IMMP2L: variants seen among roughly 807,000 people sequenced by gnomAD.
The protein encoded by IMMP2L is mitochondrial inner membrane protease subunit 2.
IMMP2L carries 18 observed loss-of-function variants against 19.3 expected under a neutral mutation model. The observed-to-expected ratio is 0.93, with a 90% CI of 0.64 to 1.38. The LOEUF is 1.38. Among genes scored for constraint, IMMP2L ranks in the 40% most tolerant of loss-of-function variants. IMMP2L has a pLI of 0.00. For missense variants in IMMP2L, 233 were observed against 218.2 expected, an observed-to-expected ratio of 1.07 and a Z score of -0.43; for synonymous variants, 76 against 73.0, an observed-to-expected ratio of 1.04 and a Z score of -0.21.
intron 5 of IMMP2L, among the ~76,000 whole-genome samples, chr7:110,883,458 C>T (rs560558352): frequency 5.9e-5 from 9 of 152,128 alleles, no homozygotes; most frequent in African/African-American, 1.9e-4. Context: ...AGCTCTTTTC[C>T]AAATGACTTG....
At chr7:111,309,212 T>G (rs1823226421) in intron 3 of IMMP2L, among the ~76,000 whole-genome samples, 1 of 152,136 alleles carries the variant, frequency 6.6e-6, no homozygotes, top group Admixed American at 6.5e-5. Context: ...TATTTGCAGT[T>G]TTATTTGAGT....
chr7:111,104,393 A>T (rs907923329), intron 3 of IMMP2L, among the ~76,000 whole-genome samples: 6 of 151,872 alleles, frequency 4.0e-5, no homozygotes, highest in Non-Finnish European at 8.8e-5. Context: ...ACCAAACTCT[A>T]CATTTTGTTC....
chr7:111,322,756 A>G (rs1178625630), intron 3 of IMMP2L, among the ~76,000 whole-genome samples: 1 of 151,904 alleles, frequency 6.6e-6, no homozygotes, highest in Admixed American at 6.6e-5. Context: ...TTCACCTGCA[A>G]ATTAAAAAGC....
intron 3 of IMMP2L, among the ~76,000 whole-genome samples, chr7:111,421,267 C>CTTTTTTTTT (rs1227013257): frequency 6.5e-5 from 8 of 122,916 alleles, no homozygotes; most frequent in African/African-American, 1.3e-4. Flanking sequence ...TTGTTTTTTT[C>CTTTTTTTTT]TTTTTTTTTT....
intron 5 of IMMP2L, among the ~76,000 whole-genome samples, chr7:110,670,559 G>A (rs1257414490): frequency 4.6e-5 from 7 of 151,924 alleles, no homozygotes; most frequent in African/African-American, 7.2e-5. Context: ...ATGCAGTGGC[G>A]CCTGCCTGTA....
chr7:110,668,070 A>G lies in IMMP2L; in HGVS notation c.409-4349T>C, dbSNP rs1036817195. Among the ~76,000 whole-genome samples the G allele has an allele frequency of 3.9e-5, 6 of 152,168 alleles. No homozygotes were observed. The South Asian group carries it at 1.2e-3, about 32-fold the overall frequency. Reference sequence around the variant, plus strand: ...TTTACTCTCAACAATATATCCTGTAAGCTACCTCTATTACTTCATAGAAAT... The same window carrying G: ...TTTACTCTCAACAATATATCCTGTAGGCTACCTCTATTACTTCATAGAAAT... On this transcript the variant is annotated intron_variant, in intron 5 of 5. Coordinates refer to ENST00000405709, the MANE Select transcript of IMMP2L (RefSeq NM_032549.4).
chr7:111,349,530 CCT>C (rs1246942693), intron 3 of IMMP2L, among the ~76,000 whole-genome samples: 3 of 152,100 alleles, frequency 2.0e-5, no homozygotes, highest in Non-Finnish European at 4.4e-5. Context: ...TCAGCTTCTC[CCT>C]CTAAACTTCA....
chr7:111,345,048 T>C (rs1334301807), intron 3 of IMMP2L, among the ~76,000 whole-genome samples: 1 of 152,110 alleles, frequency 6.6e-6, no homozygotes, highest in Non-Finnish European at 1.5e-5. Flanking sequence ...GTAGTAAAGA[T>C]AAACCCTGAG....
intron 5 of IMMP2L, among the ~76,000 whole-genome samples, chr7:110,778,916 T>C (rs1799564662): frequency 6.6e-6 from 1 of 151,976 alleles, no homozygotes; most frequent in South Asian, 2.1e-4. Flanking sequence ...AATCAAGTCA[T>C]CGGGTTAAAA....
In IMMP2L at chr7:111,179,045, A is replaced by G. The variant is rs192654575; in HGVS notation, c.240-215480T>C. Among the ~76,000 whole-genome samples, 16 of 152,170 alleles carry G rather than the reference A, an allele frequency of 1.1e-4. No individual in the cohort carries two copies. In the East Asian group the frequency reaches 3.1e-3, roughly 29 times the overall value. On this transcript the variant is annotated intron_variant, in intron 3 of 5. Coordinates refer to ENST00000405709, the MANE Select transcript of IMMP2L (RefSeq NM_032549.4). ...AGAGCCTTACAAAATGTACTTCTTA[A>G]ATAATAAGACTTGAAAGTCAAAATT...
At chr7:111,140,224 C>T (rs924690601) in intron 3 of IMMP2L, among the ~76,000 whole-genome samples, 2 of 152,062 alleles carry the variant, frequency 1.3e-5, no homozygotes, top group Non-Finnish European at 2.9e-5. Flanking sequence ...CTTCTGTCTA[C>T]TTTAAGTATT....
At chr7:111,243,599 C>G (rs169962) in intron 3 of IMMP2L, among the ~76,000 whole-genome samples, 1 of 133,980 alleles carries the variant, frequency 7.5e-6, no homozygotes, top group Non-Finnish European at 1.6e-5. Context: ...ATGTGCCATG[C>G]TGGTGCGCTG....
In IMMP2L at chr7:110,760,261, T is replaced by C. The variant is rs544081128; in HGVS notation, c.409-96540A>G. On this transcript the variant is annotated intron_variant, in intron 5 of 5. Coordinates refer to ENST00000405709, the MANE Select transcript of IMMP2L (RefSeq NM_032549.4). This position sits in a 1 kb window ranked among gnomAD's most constrained non-coding sequence, Gnocchi z 4.2. ...TTTATCTGCATCTGCCTTAGAGAAG[T>C]TGTTTACATCCAATATTGGACTACC... 5.9e-5 allele frequency among the ~76,000 whole-genome samples: 9 copies of C among 152,274 alleles called. No homozygotes were observed. Among genetic ancestry groups the C allele is most frequent in the African/African-American group, 1.9e-4 (8 of 41,574 alleles).
rs564994965 is a variant in IMMP2L at position 111,558,978 on chromosome 7, CTTG to C, written c.-3+2870_-3+2872del. 6.5e-4 allele frequency among the ~76,000 whole-genome samples: 99 copies of C among 152,132 alleles called. 1 individual carries two copies. Among genetic ancestry groups the C allele is most frequent in the Non-Finnish European group, 1.1e-3 (73 of 67,980 alleles). On this transcript the variant is annotated intron_variant, in intron 1 of 5. Transcript: ENST00000405709. ...GCCACCAAAGATAGAATGATTTTGCCTTGTTAACTTGTAAGAACAATGACACTA... is the reference window on the plus strand; with the variant it reads ...GCCACCAAAGATAGAATGATTTTGCCTTAACTTGTAAGAACAATGACACTA...
chr7:111,490,287 T>G (rs1842988828), intron 2 of IMMP2L, among the ~76,000 whole-genome samples: 2 of 143,948 alleles, frequency 1.4e-5, no homozygotes. Flanking sequence ...TTTTTTTCCT[T>G]TTTTTTTTTT....
At chr7:111,362,107 C>A (rs1043117581) in intron 3 of IMMP2L, among the ~76,000 whole-genome samples, 4 of 151,906 alleles carry the variant, frequency 2.6e-5, no homozygotes, top group Non-Finnish European at 5.9e-5. Flanking sequence ...AATCTAACTT[C>A]CACAGTAATC....
intron 5 of IMMP2L, among the ~76,000 whole-genome samples, chr7:110,793,194 T>G (rs1800592895): frequency 6.6e-6 from 1 of 151,872 alleles, no homozygotes; most frequent in African/African-American, 2.4e-5. Flanking sequence ...CCGAAGTGGG[T>G]GGATCACTTG....
At chr7:111,331,763 G>A (rs1825900576) in intron 3 of IMMP2L, among the ~76,000 whole-genome samples, 3 of 151,722 alleles carry the variant, frequency 2.0e-5, no homozygotes, top group Non-Finnish European at 4.4e-5. Context: ...AAGGCTCCAG[G>A]AAATAAAGGG....
intron 5 of IMMP2L, among the ~76,000 whole-genome samples, chr7:110,828,072 A>G (rs1803663292): frequency 6.6e-6 from 1 of 152,140 alleles, no homozygotes; most frequent in Non-Finnish European, 1.5e-5. Flanking sequence ...TTTTTTAGTC[A>G]TCTCTCCTCT....
Sources: gnomAD v4.1 joint callset for allele counts (sites outside exome capture counted in the v4.1 genomes callset) on GRCh38, gnomAD v4.1.1 for gene constraint, Gnocchi (gnomAD v3.1) non-coding constraint, MANE v1.5 for transcripts, NCBI Gene and HGNC (gene_info 2026-07-23, HGNC 2026-07-21) for gene names.